Variants in SYTL2 observed in about 807,000 individuals in gnomAD.
SYTL2 encodes the protein synaptotagmin like 2, also known as synaptotagmin-like protein 2.
A neutral mutation model predicts 198.7 loss-of-function variants in SYTL2; 165 were observed. The observed-to-expected ratio is 0.83, with a 90% confidence interval of 0.73 to 0.94. The LOEUF (loss-of-function observed/expected upper bound fraction) is 0.94. Among genes scored for constraint, SYTL2 ranks in the 40% least tolerant of loss-of-function variants. SYTL2 has a pLI of 0.00. For missense variants in SYTL2, 2,835 were observed against 2,582.8 expected (o/e 1.10, Z -2.12); for synonymous variants, 966 against 917.7 (o/e 1.05, Z -0.95).
intron 14 of SYTL2, among the ~76,000 whole-genome samples, 155 bp downstream of exon 14, chr11:85,709,176 A>AATAGCATTTTT (rs1162377521): frequency 6.6e-6 from 1 of 152,042 alleles, no homozygotes; most frequent in African/African-American, 2.4e-5. Flanking sequence ...TTGACATATG[A>AATAGCATTTTT]ATTTATAGAA....
the SYTL2 span, among the ~76,000 whole-genome samples, chr11:85,820,613 G>A: frequency 8.5e-5 from 13 of 152,204 alleles, no homozygotes; most frequent in Admixed American, 6.5e-4. Context: ...TGGCATGTAC[G>A]AGAGTTTAAG....
chr11:85,763,849 T>A (rs938985243), intron 1 of SYTL2, among the ~76,000 whole-genome samples: 4 of 152,170 alleles, frequency 2.6e-5, no homozygotes, highest in African/African-American at 9.7e-5. Context: ...ACTAAATGCT[T>A]TGTAAACTTC....
chr11:85,800,147 G>C (rs1411344377), intron 1 of SYTL2, among the ~76,000 whole-genome samples: 1 of 152,082 alleles, frequency 6.6e-6, no homozygotes, highest in African/African-American at 2.4e-5. Context: ...TGGTGCTTTG[G>C]TCTCAAAGTA....
At chr11:85,711,475 A>G (rs916288906) in intron 12 of SYTL2, among the ~76,000 whole-genome samples, 3 of 152,192 alleles carry the variant, frequency 2.0e-5, no homozygotes, top group African/African-American at 7.2e-5. Context: ...TCACCTACAA[A>G]GTAGTCTTTC....
intron 5 of SYTL2, among the ~76,000 whole-genome samples, chr11:85,737,197 C>T (rs79629314): frequency 3.2e-4 from 49 of 152,220 alleles, no homozygotes; most frequent in Non-Finnish European, 6.5e-4. Context: ...AATAAATTAG[C>T]AATTCTCTCC....
intron 1 of SYTL2, among the ~76,000 whole-genome samples, chr11:85,789,370 A>ATG (rs2092694156): frequency 1.8e-4 from 9 of 48,970 alleles, no homozygotes; most frequent in Non-Finnish European, 2.2e-4. Flanking sequence ...ATATATATAT[A>ATG]TATATATGTA....
At chr11:85,834,710 A>G in the SYTL2 span, among the ~76,000 whole-genome samples, 4 of 151,954 alleles carry the variant, frequency 2.6e-5, no homozygotes, top group South Asian at 4.2e-4. Flanking sequence ...TTAAGGCAGG[A>G]TAGATTAAGC....
chr11:85,724,820 G>A lies in SYTL2; in HGVS notation c.4538C>T (p.Pro1513Leu). 1.2e-6 allele frequency: 2 copies of A among 1,613,542 alleles called. No homozygotes were observed. The highest frequency in any genetic ancestry group is 1.7e-6 in the Non-Finnish European group (2 of 1,179,864). The change falls in exon 8 of 20, where the codon CCC (proline) becomes CTC (leucine). Residue 1513 changes from proline (P) to leucine (L), a missense_variant. Physicochemically the swap from Pro to Leu is moderately conservative, Grantham distance 98. This residue lies in a region of SYTL2 where 2,645 missense variants were observed against 2,381.7 expected (regional missense o/e 1.11). Transcript: ENST00000359152. ...KLLKEETETF[P>L]SKYESDTGNL... is the part of the protein sequence containing the mutation. The stretch of plus-strand genomic sequence containing the variant: ...CCCTGTATCACTTTCATATTTTGAG[G>A]GGAAGGTTTCAGTTTCTTCCTTCAG...
At chr11:85,750,714 T>C (rs2091460007) in intron 2 of SYTL2, among the ~76,000 whole-genome samples, 2 of 152,102 alleles carry the variant, frequency 1.3e-5, no homozygotes, top group South Asian at 4.2e-4. Flanking sequence ...TCAGCAGCCA[T>C]CCTGAGTCAG....
At chr11:85,853,795 T>TA in the SYTL2 span, 3 of 149,938 alleles carry the variant, frequency 2.0e-5, no homozygotes, top group Non-Finnish European at 4.4e-5. Flanking sequence ...GTCAGGAAAA[T>TA]AAAAAAATCT....
chr11:85,846,843 C>A, the SYTL2 span, among the ~76,000 whole-genome samples: 1 of 150,718 alleles, frequency 6.6e-6, no homozygotes, highest in East Asian at 2.0e-4. Flanking sequence ...AAGCGATTCT[C>A]CTACCTCAGC....
chr11:85,788,949 T>C (rs2092679910), intron 1 of SYTL2, among the ~76,000 whole-genome samples: 1 of 151,244 alleles, frequency 6.6e-6, no homozygotes, highest in Non-Finnish European at 1.5e-5. Flanking sequence ...GTCTCAAAAA[T>C]AGAATATCAT....
intron 7 of SYTL2, among the ~76,000 whole-genome samples, chr11:85,731,395 A>T (rs184816449): frequency 1.5e-4 from 23 of 152,320 alleles, no homozygotes; most frequent in African/African-American, 4.8e-4. Flanking sequence ...TATATAGACC[A>T]ATGGGACAGA....
At chr11:85,764,497 C>G (rs1272909259) in intron 1 of SYTL2, among the ~76,000 whole-genome samples, 2 of 152,202 alleles carry the variant, frequency 1.3e-5, no homozygotes, top group Non-Finnish European at 1.5e-5. Context: ...TTTCATCTTT[C>G]ACTGCATCAC....
In SYTL2 at chr11:85,810,649, AGGTCAGTCCCTG is replaced by A. The variant is rs572819191; in HGVS notation, c.-390+293_-390+304del. On this transcript the variant is annotated intron_variant, in intron 1 of 19. Transcript: ENST00000359152. ...CTCCCCAGCACCCAGCCCCAAGCCC[AGGTCAGTCCCTG>A]AAAGCCCTAGAAAACGCGATAGCTC... is the stretch of plus-strand genomic sequence containing the variant. 2.6e-5 allele frequency among the ~76,000 whole-genome samples: 4 copies of A among 151,234 alleles called. No individual in the cohort carries two copies. The South Asian group carries it at 8.3e-4, about 32-fold the overall frequency.
In SYTL2 at chr11:85,695,108, G is replaced by T; in HGVS notation, c.*87C>A. On this transcript the variant is annotated 3_prime_UTR_variant, in exon 20 of 20. Coordinates refer to ENST00000359152, the MANE Select transcript of SYTL2 (RefSeq NM_206927.4). ...TCCTTAGGTGCAATAGATAGAAAGT[G>T]AGGATATTTGTCCACCTACTCAGAT... is the stretch of plus-strand genomic sequence containing the variant. The T allele has an allele frequency of 7.3e-7, 1 of 1,375,056 alleles. No individual in the cohort carries two copies. The highest frequency in any genetic ancestry group is 1.0e-6 in the Non-Finnish European group (1 of 998,234). The allele number at this position is 1,375,056 out of a possible 1,614,324, so 85.2% of individuals were successfully genotyped here.
intron 1 of SYTL2, among the ~76,000 whole-genome samples, chr11:85,810,004 G>A (rs1051584979): frequency 6.6e-6 from 1 of 152,198 alleles, no homozygotes; most frequent in Non-Finnish European, 1.5e-5. Context: ...CCATCCTGGT[G>A]GGGAATGGCT....
At chr11:85,840,010 T>C in the SYTL2 span, among the ~76,000 whole-genome samples, 5 of 152,200 alleles carry the variant, frequency 3.3e-5, no homozygotes, top group Admixed American at 3.3e-4. Flanking sequence ...CTCATTATAG[T>C]TTTGATTTGC....
At chr11:85,787,628 C>A (rs561952169) in intron 1 of SYTL2, among the ~76,000 whole-genome samples, 6 of 151,614 alleles carry the variant, frequency 4.0e-5, no homozygotes, top group Non-Finnish European at 8.8e-5. Context: ...TACATCACTT[C>A]AGAAAGCAAC....
Sources: gnomAD v4.1 joint callset for allele counts (sites outside exome capture counted in the v4.1 genomes callset) on GRCh38, gnomAD v4.1.1 for gene constraint, gnomAD v4.1.1 regional missense constraint, MANE v1.5 for transcripts, NCBI Gene and HGNC (gene_info 2026-07-23, HGNC 2026-07-21) for gene names.